The following DLX4 variants were observed in gnomAD, a reference collection of about 807,000 sequenced individuals.
DLX4 encodes the protein homeobox protein DLX-4.
In DLX4, 13 loss-of-function variants were observed where a neutral mutation model predicts 17.1. The observed-to-expected ratio is 0.76, with a 90% CI of 0.49 to 1.21. DLX4 has a LOEUF of 1.21. DLX4 is among the 50% of genes most tolerant of loss of function. The pLI is 0.00. For missense variants in DLX4, 297 were observed against 301.4 expected, an observed-to-expected ratio of 0.99 and a Z score of 0.11; for synonymous variants, 129 against 140.3, an observed-to-expected ratio of 0.92 and a Z score of 0.57.
rs368164202 is a variant in DLX4 at position 49,973,766 on chromosome 17, G to C, written c.546G>C (p.Gly182=). The C allele has an allele frequency of 5.8e-5, 90 of 1,558,430 alleles. No individual in the cohort carries two copies. Among genetic ancestry groups the C allele is most frequent in the Non-Finnish European group, 7.6e-5 (87 of 1,151,742 alleles). The part of the protein sequence containing the change: ...YKKLLKQNSG[G]QEGDFPGRTF... ...AGCTCCTGAAGCAGAATTCTGGGGGGCAGGAAGGGGACTTCCCTGGGAGGA... is the reference window on the plus strand; with the variant it reads ...AGCTCCTGAAGCAGAATTCTGGGGGCCAGGAAGGGGACTTCCCTGGGAGGA... The change falls in exon 3 of 3, where the codon GGG becomes GGC. Residue 182 remains glycine (G), a synonymous_variant. Transcript: ENST00000240306.
intron 1 of DLX4, among the ~76,000 whole-genome samples, chr17:49,970,098 C>T (rs976988581): frequency 6.6e-6 from 1 of 152,192 alleles, no homozygotes; most frequent in Admixed American, 6.5e-5. Context: ...GGGGCCTAGC[C>T]CCTTTGTCAG....
chr17:49,973,276 C>A lies in DLX4; in HGVS notation c.480+7C>A, dbSNP rs374194687. On this transcript the variant is annotated splice_region_variant and intron_variant, in intron 2 of 2. Coordinates refer to ENST00000240306, the MANE Select transcript of DLX4 (RefSeq NM_138281.3). ...CGGCCTCACCCAGACCCAGGTGGGG[C>A]CAGTGTCGTCCTTCCCCATCTCTCA... is the stretch of plus-strand genomic sequence containing the variant. 1.2e-6 allele frequency: 2 copies of A among 1,612,926 alleles called. No individual in the cohort carries two copies. Among genetic ancestry groups the A allele is most frequent in the African/African-American group, 2.7e-5 (2 of 74,940 alleles).
In DLX4 at chr17:49,972,988, C is replaced by A; in HGVS notation, c.284-85C>A. On this transcript the variant is annotated intron_variant, in intron 1 of 2. Transcript: ENST00000240306. This position sits in a 1 kb window ranked among gnomAD's most constrained non-coding sequence, Gnocchi z 5.4. ...CTATTTGCTGCCGACGGCATGCAGACGAGATGCAAATAAGCTTATGAAACT... is the reference window on the plus strand; with the variant it reads ...CTATTTGCTGCCGACGGCATGCAGAAGAGATGCAAATAAGCTTATGAAACT... The A allele has an allele frequency of 6.5e-7, 1 of 1,542,666 alleles. No individual in the cohort carries two copies. The highest frequency in any genetic ancestry group is 1.2e-5 in the South Asian group (1 of 81,374).
chr17:49,969,685 C>A lies in DLX4; in HGVS notation c.217C>A (p.Gln73Lys), dbSNP rs1176748469. ...ANPGDSYLSC[Q>K]QPAALSQPLC... ...CCCCGGAGACTCCTACCTGTCCTGC[C>A]AGCAACCCGCGGCGCTCTCTCAGCC... Residue 73 changes from glutamine (Q) to lysine (K), a missense_variant, in exon 1 of 3, where the codon CAG becomes AAG. By Grantham distance (53) the Gln-to-Lys change is moderately conservative (BLOSUM62 1). Coordinates refer to ENST00000240306, the MANE Select transcript of DLX4 (RefSeq NM_138281.3). 6.2e-7 allele frequency: 1 copy of A among 1,605,608 alleles called. No individual in the cohort carries two copies. The highest frequency in any genetic ancestry group is 8.5e-7 in the Non-Finnish European group (1 of 1,179,858).
Position 49,969,648 on chromosome 17 carries a change from C to T in DLX4, c.180C>T (p.Thr60=), listed in dbSNP as rs377467088. ...GCCACCTCCTGTCTTACCCCTACAC[C>T]GAGCCAGCGAACCCCGGAGACTCCT... ...PYGHLLSYPY[T]EPANPGDSYL... Residue 60 remains threonine (T), a synonymous_variant, in exon 1 of 3, where the codon ACC becomes ACT. Coordinates refer to ENST00000240306, the MANE Select transcript of DLX4 (RefSeq NM_138281.3). The T allele has an allele frequency of 5.0e-6, 8 of 1,611,408 alleles. No individual in the cohort carries two copies. In the East Asian group the frequency reaches 1.6e-4, roughly 31 times the overall value.
chr17:49,973,477 T>C (rs1029197898), intron 2 of DLX4: 5 of 996,442 alleles, frequency 5.0e-6, no homozygotes, highest in Non-Finnish European at 7.4e-6. Context: ...GTGGAGTGGG[T>C]CAGGAAGAGG....
rs1484467467 is a variant in DLX4 at position 49,973,791 on chromosome 17, A to T, written c.571A>T (p.Thr191Ser). ...GCAGGAAGGGGACTTCCCTGGGAGG[A>T]CCTTCTCTGTGTCTCCCTGCTCCCC... The part of the protein sequence containing the change: ...GGQEGDFPGR[T>S]FSVSPCSPPL... Residue 191 changes from threonine (T) to serine (S), a missense_variant, in exon 3 of 3, where the codon ACC becomes TCC. Physicochemically the swap from Thr to Ser is moderately conservative, Grantham distance 58 (BLOSUM62 1). Transcript: ENST00000240306. 2 of 1,595,838 alleles carry T rather than the reference A, an allele frequency of 1.3e-6. No homozygotes were observed. The highest frequency in any genetic ancestry group is 1.3e-5 in the African/African-American group (1 of 74,130).
rs201620636 is a variant in DLX4, at chr17:49,973,990, G to T, written c.*47G>T. ...GCCCACAGCCTTCCTGCAAAGCCCAGGACCCAGGCAGTCCACCTGCACCCC... is the reference window on the plus strand; with the variant it reads ...GCCCACAGCCTTCCTGCAAAGCCCATGACCCAGGCAGTCCACCTGCACCCC... On this transcript the variant is annotated 3_prime_UTR_variant, in exon 3 of 3. Transcript: ENST00000240306. The T allele has an allele frequency of 1.4e-4, 211 of 1,534,692 alleles. No homozygotes were observed. In the East Asian group the frequency reaches 4.8e-3, roughly 35 times the overall value.
At chr17:49,973,007 T>C in intron 1 of DLX4, 66 bp from the exon 2 acceptor site, 2 of 1,580,602 alleles carry the variant, frequency 1.3e-6, no homozygotes, top group Non-Finnish European at 1.7e-6. Context: ...AATAAGCTTA[T>C]GAAACTGTCC....
rs1003706706 is a variant in DLX4, at chr17:49,972,371, G to A, written c.284-702G>A. On this transcript the variant is annotated intron_variant, in intron 1 of 2. Transcript: ENST00000240306. This position sits in a 1 kb window ranked among gnomAD's most constrained non-coding sequence, Gnocchi z 5.4. Reference sequence around the variant, plus strand: ...GTGCGCGCTGCCCAACGAAGGAAGGGGCTGCCCCACGCAGACCCGGCTTCT... The same window carrying A: ...GTGCGCGCTGCCCAACGAAGGAAGGAGCTGCCCCACGCAGACCCGGCTTCT... 1 of 152,268 alleles carries A rather than the reference G, an allele frequency of 6.6e-6. No individual in the cohort carries two copies. Among genetic ancestry groups the A allele is most frequent in the Admixed American group, 6.5e-5 (1 of 15,284 alleles). The allele number at this position is 152,268 out of a possible 1,614,324, so 9.4% of individuals were successfully genotyped here.
At position 49,973,958 on chromosome 17, in the gene DLX4, G is replaced by C; in HGVS notation, c.*15G>C. 1 of 1,589,688 alleles carries C rather than the reference G, an allele frequency of 6.3e-7. No individual in the cohort carries two copies. Among genetic ancestry groups the C allele is most frequent in the Non-Finnish European group, 8.5e-7 (1 of 1,169,844 alleles). ...AGATGATGTGAATCTGGGGAAGGGC[G>C]GGTCAGGCCCACAGCCTTCCTGCAA... is the stretch of plus-strand genomic sequence containing the variant. On this transcript the variant is annotated 3_prime_UTR_variant, in exon 3 of 3. Coordinates refer to ENST00000240306, the MANE Select transcript of DLX4 (RefSeq NM_138281.3).
chr17:49,973,965 G>T lies in DLX4; in HGVS notation c.*22G>T. ...GTGAATCTGGGGAAGGGCGGGTCAG[G>T]CCCACAGCCTTCCTGCAAAGCCCAG... On this transcript the variant is annotated 3_prime_UTR_variant, in exon 3 of 3. Coordinates refer to ENST00000240306, the MANE Select transcript of DLX4 (RefSeq NM_138281.3). The T allele has an allele frequency of 1.3e-6, 2 of 1,579,644 alleles. No individual in the cohort carries two copies. Among genetic ancestry groups the T allele is most frequent in the Non-Finnish European group, 1.7e-6 (2 of 1,164,898 alleles).
At position 49,969,709 on chromosome 17, in the gene DLX4, C is replaced by T. The variant is rs1444996869; in HGVS notation, c.241C>T (p.Pro81Ser). The change falls in exon 1 of 3, where the codon CCC (proline) becomes TCC (serine). Residue 81 changes from proline (P) to serine (S), a missense_variant. Pro to Ser is a moderately conservative substitution (Grantham distance 74, BLOSUM62 -1). Transcript: ENST00000240306. ...SCQQPAALSQPLCGPAEHPQE... is the reference protein window; with the variant it reads ...SCQQPAALSQSLCGPAEHPQE... Reference sequence around the variant, plus strand: ...CCAGCAACCCGCGGCGCTCTCTCAGCCCCTCTGCGGACCTGCAGAGCACCC... The same window carrying T: ...CCAGCAACCCGCGGCGCTCTCTCAGTCCCTCTGCGGACCTGCAGAGCACCC... The T allele has an allele frequency of 6.2e-7, 1 of 1,601,958 alleles. No homozygotes were observed. Among genetic ancestry groups the T allele is most frequent in the African/African-American group, 1.3e-5 (1 of 74,984 alleles).
chr17:49,969,185 C>T (rs1481703900), upstream of DLX4: 1 of 341,946 alleles, frequency 2.9e-6, no homozygotes, highest in Non-Finnish European at 5.3e-6. Flanking sequence ...GAGGGCGGGG[C>T]CCCCGTCGGG....
In DLX4 at chr17:49,973,836, G is replaced by T; in HGVS notation, c.616G>T (p.Asp206Tyr). The change falls in exon 3 of 3, where the codon GAT becomes TAT. Residue 206 changes from aspartate (D) to tyrosine (Y), a missense_variant. By Grantham distance (160) the Asp-to-Tyr change is radical. Transcript: ENST00000240306. ...CTCCCCACCCCTCCCCTCCCTCTGGGATCTACCCAAGGCAGGGACCCTGCC... is the reference window on the plus strand; with the variant it reads ...CTCCCCACCCCTCCCCTCCCTCTGGTATCTACCCAAGGCAGGGACCCTGCC... ...PCSPPLPSLW[D>Y]LPKAGTLPTS... 1 of 1,612,212 alleles carries T rather than the reference G, an allele frequency of 6.2e-7. No homozygotes were observed. The highest frequency in any genetic ancestry group is 1.1e-5 in the South Asian group (1 of 90,668).
Position 49,972,956 on chromosome 17 carries a change from C to T in DLX4, c.284-117C>T. On this transcript the variant is annotated intron_variant, in intron 1 of 2. Coordinates refer to ENST00000240306, the MANE Select transcript of DLX4 (RefSeq NM_138281.3). The surrounding 1 kb of genome is among the most constrained non-coding windows in gnomAD (Gnocchi z 5.4). The stretch of plus-strand genomic sequence containing the variant: ...CAAGGGGGCGATCCTGGTGGCTGCG[C>T]TTTTTGCTATTTGCTGCCGACGGCA... 1.3e-6 allele frequency: 2 copies of T among 1,525,768 alleles called. No homozygotes were observed. The highest frequency in any genetic ancestry group is 1.8e-6 in the Non-Finnish European group (2 of 1,133,608). The allele number at this position is 1,525,768 out of a possible 1,614,324, so 94.5% of individuals were successfully genotyped here.
At position 49,973,217 on chromosome 17, in the gene DLX4, C is replaced by G. The variant is rs893572771; in HGVS notation, c.428C>G (p.Ala143Gly). The change falls in exon 2 of 3, where the codon GCG (alanine) becomes GGG (glycine). Residue 143 changes from alanine (A) to glycine (G), a missense_variant. Ala to Gly is a moderately conservative substitution (Grantham distance 60, BLOSUM62 0). Coordinates refer to ENST00000240306, the MANE Select transcript of DLX4 (RefSeq NM_138281.3). ...NQRFQHTQYL[A>G]LPERAQLAAQ... ...CGTTTCCAGCACACGCAGTACCTGG[C>G]GCTGCCCGAGAGGGCCCAGCTGGCA... 1 of 1,614,162 alleles carries G rather than the reference C, an allele frequency of 6.2e-7. No homozygotes were observed. Among genetic ancestry groups the G allele is most frequent in the Admixed American group, 1.7e-5 (1 of 60,028 alleles).
Position 49,969,419 on chromosome 17 carries a change from G to T in DLX4, c.-50G>T. On this transcript the variant is annotated 5_prime_UTR_variant, in exon 1 of 3. Transcript: ENST00000240306. ...GCTTGGAAAAGAGAGTTGGCAGCGG[G>T]AGCGGACTACGTGCCGGGCCATGGC... 2 of 1,471,120 alleles carry T rather than the reference G, an allele frequency of 1.4e-6. No homozygotes were observed. The allele number at this position is 1,471,120 out of a possible 1,614,324, so 91.1% of individuals were successfully genotyped here.
rs192533761 is a variant in DLX4 at position 49,973,957 on chromosome 17, C to T, written c.*14C>T. On this transcript the variant is annotated 3_prime_UTR_variant, in exon 3 of 3. Coordinates refer to ENST00000240306, the MANE Select transcript of DLX4 (RefSeq NM_138281.3). ...CAGATGATGTGAATCTGGGGAAGGG[C>T]GGGTCAGGCCCACAGCCTTCCTGCA... 14,086 of 1,594,892 alleles carry T rather than the reference C, an allele frequency of 8.8e-3. 88 individuals carry two copies. Among genetic ancestry groups the T allele is most frequent in the Non-Finnish European group, 0.011 (12,435 of 1,169,804 alleles).
Sources: gnomAD v4.1 joint callset for allele counts (sites outside exome capture counted in the v4.1 genomes callset) on GRCh38, gnomAD v4.1.1 for gene constraint, Gnocchi (gnomAD v3.1) non-coding constraint, MANE v1.5 for transcripts, NCBI Gene and HGNC (gene_info 2026-07-23, HGNC 2026-07-21) for gene names.